RUSC2: variants seen among roughly 807,000 people sequenced by gnomAD.
RUSC2 encodes RUN and SH3 domain containing 2.
Under a neutral mutation model 122.2 loss-of-function variants are expected in RUSC2, and 34 were observed. The ratio of observed to expected loss-of-function variants is 0.28; its 90% CI spans 0.21 to 0.37. The LOEUF (loss-of-function observed/expected upper bound fraction) is 0.37. RUSC2 is among the 10% of genes least tolerant of loss of function. RUSC2 has a pLI of 1.00. For synonymous variants in RUSC2, 784 were observed against 790.0 expected (o/e 0.99, Z 0.13); for missense variants, 1,747 against 1,952.4 (o/e 0.89, Z 1.98).
intron 1 of RUSC2, among the ~76,000 whole-genome samples, chr9:35,524,587 T>A (rs983535428): frequency 6.6e-6 from 1 of 152,198 alleles, no homozygotes; most frequent in African/African-American, 2.4e-5. Context: ...GGTTTTGTCT[T>A]GTTTTGTTCT....
chr9:35,525,499 T>C (rs1821306943), intron 1 of RUSC2, among the ~76,000 whole-genome samples: 1 of 152,110 alleles, frequency 6.6e-6, no homozygotes, highest in Admixed American at 6.5e-5. Flanking sequence ...TTTTTTTTTT[T>C]CCTTTAAAAA....
chr9:35,504,059 G>T (rs143121735), intron 1 of RUSC2, among the ~76,000 whole-genome samples: 91 of 152,312 alleles, frequency 6.0e-4, no homozygotes, highest in Non-Finnish European at 1.2e-3. Flanking sequence ...ACAGGCGTGA[G>T]CCACCGCTCC....
intron 1 of RUSC2, among the ~76,000 whole-genome samples, chr9:35,492,602 A>T (rs1820589012): frequency 6.6e-6 from 1 of 152,172 alleles, no homozygotes; most frequent in Non-Finnish European, 1.5e-5. Flanking sequence ...GTGATGGGGT[A>T]GAAGGGAATC....
At chr9:35,531,407 A>C (rs746573256) in intron 1 of RUSC2, among the ~76,000 whole-genome samples, 3 of 152,228 alleles carry the variant, frequency 2.0e-5, no homozygotes, top group Non-Finnish European at 4.4e-5. Flanking sequence ...CAACGAAGGT[A>C]AGAAAACTAG....
At position 35,561,612 on chromosome 9, in the gene RUSC2, G is replaced by C. The variant is rs1822179155; in HGVS notation, c.*230G>C. 1 of 578,936 alleles carries C rather than the reference G, an allele frequency of 1.7e-6. No homozygotes were observed. Among genetic ancestry groups the C allele is most frequent in the Non-Finnish European group, 3.0e-6 (1 of 329,054 alleles). The allele number at this position is 578,936 out of a possible 1,614,324, so 35.9% of individuals were successfully genotyped here. ...GAGGGATGGGACACAGCACTGGGCT[G>C]CCAGGATTCCCCTGGCCCGTCTGGG... On this transcript the variant is annotated 3_prime_UTR_variant, in exon 12 of 12. Transcript: ENST00000361226.
Position 35,547,853 on chromosome 9 carries a change from G to T in RUSC2, c.1332G>T (p.Glu444Asp). 1 of 1,614,172 alleles carries T rather than the reference G, an allele frequency of 6.2e-7. No homozygotes were observed. The highest frequency in any genetic ancestry group is 1.3e-5 in the African/African-American group (1 of 75,054). Reference protein sequence around the residue: ...GPDPGPSQPSEYYLFQKPEVQ... With the variant: ...GPDPGPSQPSDYYLFQKPEVQ... ...ACCCAGGCCCCAGCCAGCCCTCTGA[G>T]TATTACCTATTCCAGAAGCCAGAAG... Residue 444 changes from glutamate to aspartate, a missense_variant, in exon 2 of 12, where the codon GAG (glutamate) becomes GAT (aspartate). Glu to Asp is a conservative substitution (Grantham distance 45, BLOSUM62 2). Transcript: ENST00000361226. This position sits in a 1 kb window ranked among gnomAD's most constrained non-coding sequence, Gnocchi z 4.6.
At chr9:35,549,293 G>GTTTTTTTTTTTTTTTTTTTTTTT (rs10625373) in intron 2 of RUSC2, 1 of 755,186 alleles carries the variant, frequency 1.3e-6, no homozygotes. Flanking sequence ...CGTCAGTGAA[G>GTTTTTTTTTTTTTTTTTTTTTTT]TTTTTTTTTT....
chr9:35,545,349 C>T (rs889293500), intron 1 of RUSC2, among the ~76,000 whole-genome samples: 1 of 152,048 alleles, frequency 6.6e-6, no homozygotes, highest in Non-Finnish European at 1.5e-5. Flanking sequence ...TGTGAGGAGT[C>T]GAAGGGAATG....
In RUSC2 at chr9:35,546,340, C is replaced by G; in HGVS notation, c.-92-90C>G. On this transcript the variant is annotated intron_variant, in intron 1 of 11. Transcript: ENST00000361226. This position sits in a 1 kb window ranked among gnomAD's most constrained non-coding sequence, Gnocchi z 4.3. ...CTCAAGCCTTTTCTCTTCCTGGGCT[C>G]TTCTCCATCTGAAAATGATGTAGGG... 1 of 408,060 alleles carries G rather than the reference C, an allele frequency of 2.5e-6. No homozygotes were observed. Among genetic ancestry groups the G allele is most frequent in the Non-Finnish European group, 4.2e-6 (1 of 235,988 alleles). 25.3% of individuals were successfully genotyped at this position (408,060 alleles called of 1,614,324 possible). A position where few individuals can be genotyped will look rare whatever the true frequency, so the allele number is the denominator to read the frequency against.
chr9:35,533,255 A>G (rs373169588), intron 1 of RUSC2, among the ~76,000 whole-genome samples: 4 of 140,856 alleles, frequency 2.8e-5, no homozygotes, highest in African/African-American at 9.7e-5. Context: ...TCAAAAAAAA[A>G]AAAAAGAAGA....
chr9:35,496,813 A>C (rs1258042802), intron 1 of RUSC2, among the ~76,000 whole-genome samples: 3 of 152,132 alleles, frequency 2.0e-5, no homozygotes, highest in Admixed American at 6.5e-5. Context: ...CATGCACTAC[A>C]TGGTGTTATT....
chr9:35,518,103 G>A (rs770503942), intron 1 of RUSC2, among the ~76,000 whole-genome samples: 4 of 152,190 alleles, frequency 2.6e-5, no homozygotes, highest in Non-Finnish European at 4.4e-5. Flanking sequence ...TATCACTAGT[G>A]ATCAAATCTG....
rs892193726 is a variant in RUSC2, at chr9:35,555,196, C to T, written c.2151C>T (p.Ser717=). The change falls in exon 3 of 12, where the codon TCC becomes TCT. Residue 717 remains serine, a synonymous_variant. Coordinates refer to ENST00000361226, the MANE Select transcript of RUSC2 (RefSeq NM_014806.5). The surrounding 1 kb of genome is among the most constrained non-coding windows in gnomAD (Gnocchi z 4.6). Reference sequence around the variant, plus strand: ...AGGCCCGGGCCCTCCACAGCCTTTCCCAGCTCTACAGCCTCTCAGGCTGCA... The same window carrying T: ...AGGCCCGGGCCCTCCACAGCCTTTCTCAGCTCTACAGCCTCTCAGGCTGCA... The part of the protein sequence containing the change: ...LAKARALHSL[S]QLYSLSGCSR... 6.2e-7 allele frequency: 1 copy of T among 1,613,528 alleles called. No homozygotes were observed. Among genetic ancestry groups the T allele is most frequent in the African/African-American group, 1.3e-5 (1 of 75,064 alleles).
intron 1 of RUSC2, among the ~76,000 whole-genome samples, chr9:35,506,395 C>T (rs1320646546): frequency 6.6e-6 from 1 of 152,194 alleles, no homozygotes; most frequent in African/African-American, 2.4e-5. Context: ...AGCCTAAGAT[C>T]TTCCTGTCCC....
intron 1 of RUSC2, among the ~76,000 whole-genome samples, chr9:35,497,150 G>A (rs1244040888): frequency 6.6e-6 from 1 of 152,112 alleles, no homozygotes; most frequent in Non-Finnish European, 1.5e-5. Flanking sequence ...TGACAGGTTC[G>A]GTGTAGACTG....
At chr9:35,536,808 C>CAAAAAAAAAAA (rs67604535) in intron 1 of RUSC2, among the ~76,000 whole-genome samples, 18 of 69,612 alleles carry the variant, frequency 2.6e-4, no homozygotes, top group South Asian at 6.3e-4. Context: ...GAGTGAAACT[C>CAAAAAAAAAAA]AAAAAAAAAA....
Position 35,556,291 on chromosome 9 carries a change from T to C in RUSC2, c.2843-17T>C, listed in dbSNP as rs780856913. ...GCACTGAGAGTTGCTCAGGATTGAT[T>C]TTTCTCTTCTTTCCAGGCCAAGCAG... On this transcript the variant is annotated splice_polypyrimidine_tract_variant and intron_variant, in intron 4 of 11. Transcript: ENST00000361226. 2 of 1,613,300 alleles carry C rather than the reference T, an allele frequency of 1.2e-6. No homozygotes were observed. The highest frequency in any genetic ancestry group is 1.7e-6 in the Non-Finnish European group (2 of 1,179,630).
chr9:35,518,821 A>G (rs1194629591), intron 1 of RUSC2, among the ~76,000 whole-genome samples: 1 of 152,142 alleles, frequency 6.6e-6, no homozygotes, highest in Non-Finnish European at 1.5e-5. Context: ...TTTTCTTTAC[A>G]ATGTCAGCAC....
intron 4 of RUSC2, 49 bp downstream of exon 4, chr9:35,556,186 T>C (rs1326086253): frequency 6.2e-7 from 1 of 1,605,220 alleles, no homozygotes; most frequent in Non-Finnish European, 8.5e-7. Flanking sequence ...CTGCCATGGC[T>C]GGAAAGGGCT....
Sources: gnomAD v4.1 joint callset for allele counts (sites outside exome capture counted in the v4.1 genomes callset) on GRCh38, gnomAD v4.1.1 for gene constraint, Gnocchi (gnomAD v3.1) non-coding constraint, MANE v1.5 for transcripts, NCBI Gene and HGNC (gene_info 2026-07-23, HGNC 2026-07-21) for gene names.